The following EYS variants were observed in gnomAD, a reference collection of about 807,000 sequenced individuals.
EYS encodes the protein protein eyes shut homolog.
In EYS, 250 loss-of-function variants were observed where a neutral mutation model predicts 282.1. The ratio of observed to expected loss-of-function variants is 0.89; its 90% confidence interval spans 0.80 to 0.98. EYS has a LOEUF of 0.98. Among genes scored for constraint, EYS ranks in the 50% least tolerant of loss-of-function variants. The pLI is 0.00. For synonymous variants in EYS, 1,355 were observed against 1,282.9 expected, an observed-to-expected ratio of 1.06 and a Z score of -1.20; for missense variants, 4,016 against 3,709.0, an observed-to-expected ratio of 1.08 and a Z score of -2.15.
chr6:65,495,446 A>G lies in EYS; in HGVS notation c.-36T>C. 1 of 1,599,300 alleles carries G rather than the reference A, an allele frequency of 6.3e-7. No individual in the cohort carries two copies. The highest frequency in any genetic ancestry group is 8.5e-7 in the Non-Finnish European group (1 of 1,177,348). On this transcript the variant is annotated 5_prime_UTR_variant, in exon 4 of 43. Coordinates refer to ENST00000503581, the MANE Select transcript of EYS (RefSeq NM_001142800.2). ...CTGTATTTTACAGTTTATCATAAAG[A>G]ATTGCTGCAAAATGGTGTTTTAAGT...
intron 30 of EYS, among the ~76,000 whole-genome samples, chr6:64,266,468 A>T (rs1418050998): frequency 6.6e-6 from 1 of 152,144 alleles, no homozygotes; most frequent in Non-Finnish European, 1.5e-5. Flanking sequence ...CTCAGGGTGA[A>T]ACTGTCTTCA....
chr6:63,895,220 T>A (rs1404413841), intron 35 of EYS, among the ~76,000 whole-genome samples: 2 of 127,490 alleles, frequency 1.6e-5, no homozygotes, highest in Non-Finnish European at 3.3e-5. Flanking sequence ...TTAGATAGCA[T>A]CTTTTCCCAC....
chr6:64,301,838 C>T (rs1422271840), intron 30 of EYS, among the ~76,000 whole-genome samples: 2 of 152,128 alleles, frequency 1.3e-5, no homozygotes, highest in Non-Finnish European at 2.9e-5. Context: ...GGAAAGTGGC[C>T]ATTTGGTGGA....
chr6:64,273,431 C>T (rs563425423), intron 30 of EYS, among the ~76,000 whole-genome samples: 1 of 152,046 alleles, frequency 6.6e-6, no homozygotes, highest in African/African-American at 2.4e-5. Context: ...GTGTTTTTTT[C>T]CCCACCTTTT....
intron 13 of EYS, among the ~76,000 whole-genome samples, chr6:65,022,595 T>C (rs1772282005): frequency 6.6e-6 from 1 of 151,836 alleles, no homozygotes. Context: ...GACAGTTACT[T>C]GAATCCATAA....
chr6:63,825,741 C>T (rs893414570), intron 36 of EYS, among the ~76,000 whole-genome samples: 2 of 152,164 alleles, frequency 1.3e-5, no homozygotes, highest in African/African-American at 4.8e-5. Context: ...ATGATCTGAA[C>T]AACAGCCTTC....
At chr6:64,677,998 CT>C in intron 22 of EYS, among the ~76,000 whole-genome samples, 1 of 151,894 alleles carries the variant, frequency 6.6e-6, no homozygotes, top group African/African-American at 2.4e-5. Flanking sequence ...ACTTTTTCCT[CT>C]TTTTATTTTA....
At chr6:65,511,984 CAAAAAAAA>C (rs11368301) in intron 2 of EYS, among the ~76,000 whole-genome samples, 1 of 94,830 alleles carries the variant, frequency 1.1e-5, no homozygotes, top group African/African-American at 5.0e-5. Context: ...AACTCTGTCT[CAAAAAAAA>C]AAAAAAAAAA....
chr6:64,633,255 G>T (rs1280436060), intron 22 of EYS, among the ~76,000 whole-genome samples: 1 of 152,068 alleles, frequency 6.6e-6, no homozygotes, highest in Non-Finnish European at 1.5e-5. Context: ...CATATACAAA[G>T]ATTTAGGTAA....
chr6:63,830,352 A>G (rs1336095638), intron 36 of EYS, among the ~76,000 whole-genome samples: 8 of 152,240 alleles, frequency 5.3e-5, no homozygotes. Flanking sequence ...TAAGTAGAAT[A>G]AACAGTGTAA....
At chr6:64,315,288 C>T (rs536717318) in intron 29 of EYS, among the ~76,000 whole-genome samples, 1 of 152,156 alleles carries the variant, frequency 6.6e-6, no homozygotes, top group Non-Finnish European at 1.5e-5. Context: ...GCCTACCAAC[C>T]AAAAACGTCC....
At chr6:64,504,437 G>T (rs1291275876) in intron 26 of EYS, among the ~76,000 whole-genome samples, 1 of 152,148 alleles carries the variant, frequency 6.6e-6, no homozygotes, top group East Asian at 1.9e-4. Flanking sequence ...AAATACTTTT[G>T]TTGAAGAGTC....
At chr6:65,637,763 T>G (rs1015752344) in intron 2 of EYS, among the ~76,000 whole-genome samples, 1 of 152,192 alleles carries the variant, frequency 6.6e-6, no homozygotes, top group Non-Finnish European at 1.5e-5. Flanking sequence ...AGCTCCCTGC[T>G]GCCTCAGCCT....
At chr6:65,533,669 G>A (rs996834486) in intron 2 of EYS, among the ~76,000 whole-genome samples, 1 of 152,092 alleles carries the variant, frequency 6.6e-6, no homozygotes, top group African/African-American at 2.4e-5. Flanking sequence ...TCCCAAAGGA[G>A]CTTGTTCACC....
chr6:65,529,626 A>G (rs1424897327), intron 2 of EYS, among the ~76,000 whole-genome samples: 1 of 152,210 alleles, frequency 6.6e-6, no homozygotes, highest in African/African-American at 2.4e-5. Context: ...AACCAGCCTG[A>G]TAACACATTA....
intron 41 of EYS, among the ~76,000 whole-genome samples, chr6:63,751,293 CTTTCA>C (rs1198195433): frequency 1.3e-5 from 2 of 152,058 alleles, no homozygotes; most frequent in African/African-American, 2.4e-5. Context: ...AATTAAAATA[CTTTCA>C]TTTCATTTTG....
chr6:65,212,879 TATG>T (rs143145593), intron 12 of EYS, among the ~76,000 whole-genome samples: 3,940 of 152,178 alleles, frequency 0.026, 158 homozygotes, highest in African/African-American at 0.089. Flanking sequence ...ACAACATTCT[TATG>T]ATAATATGTA....
intron 19 of EYS, among the ~76,000 whole-genome samples, chr6:64,859,364 T>A (rs1766164481): frequency 6.6e-6 from 1 of 151,528 alleles, no homozygotes; most frequent in African/African-American, 2.4e-5. Context: ...TATTACAACA[T>A]GTATATTTAA....
chr6:65,012,672 G>A (rs1028528139), intron 13 of EYS, among the ~76,000 whole-genome samples: 1 of 151,948 alleles, frequency 6.6e-6, no homozygotes, highest in Non-Finnish European at 1.5e-5. Flanking sequence ...ATAGTAAGGG[G>A]GACTGCCTAG....
Sources: gnomAD v4.1 joint callset for allele counts (sites outside exome capture counted in the v4.1 genomes callset) on GRCh38, gnomAD v4.1.1 for gene constraint, MANE v1.5 for transcripts, NCBI Gene and HGNC (gene_info 2026-07-23, HGNC 2026-07-21) for gene names.